The following AGBL4 variants were observed in gnomAD, a reference collection of about 807,000 sequenced individuals.
AGBL4 encodes AGBL carboxypeptidase 4.
A neutral mutation model predicts 66.4 loss-of-function variants in AGBL4; 58 were observed. The ratio of observed to expected loss-of-function variants is 0.87; its 90% confidence interval spans 0.71 to 1.09. AGBL4 has a LOEUF of 1.09. AGBL4 is among the 50% of genes least tolerant of loss of function. The pLI is 0.00. For missense variants in AGBL4, 579 were observed against 631.0 expected (o/e 0.92, Z 0.88); for synonymous variants, 234 against 222.9 (o/e 1.05, Z -0.44).
intron 12 of AGBL4, among the ~76,000 whole-genome samples, chr1:48,539,250 C>G (rs1398993397): frequency 6.6e-6 from 1 of 152,206 alleles, no homozygotes; most frequent in Non-Finnish European, 1.5e-5. Flanking sequence ...GTGAGGACTG[C>G]TGTCCTCACT....
intron 2 of AGBL4, among the ~76,000 whole-genome samples, chr1:49,800,044 T>C (rs1400846243): frequency 6.6e-6 from 1 of 152,180 alleles, no homozygotes; most frequent in Non-Finnish European, 1.5e-5. Flanking sequence ...AGTATCTGCC[T>C]CTAAACAGAA....
At chr1:49,471,299 C>A (rs879574826) in intron 3 of AGBL4, among the ~76,000 whole-genome samples, 2 of 151,874 alleles carry the variant, frequency 1.3e-5, no homozygotes, top group African/African-American at 2.4e-5. Flanking sequence ...AGATTTTTGT[C>A]CCCATGAGTA....
intron 4 of AGBL4, among the ~76,000 whole-genome samples, chr1:49,077,504 G>C (rs1379944099): frequency 6.6e-6 from 1 of 152,068 alleles, no homozygotes; most frequent in Non-Finnish European, 1.5e-5. Flanking sequence ...AACTAAAACT[G>C]TGTAAAGTAC....
intron 5 of AGBL4, among the ~76,000 whole-genome samples, chr1:48,929,447 A>G (rs184530698): frequency 1.6e-4 from 25 of 152,192 alleles, no homozygotes; most frequent in African/African-American, 6.0e-4. Flanking sequence ...TTTAAAATCA[A>G]CTTATTTTTA....
rs575753685 is a variant in AGBL4 at position 49,402,131 on chromosome 1, T to C, written c.283-156267A>G. 5.0e-4 allele frequency among the ~76,000 whole-genome samples: 76 copies of C among 152,304 alleles called. 1 individual carries two copies. Among genetic ancestry groups the C allele is most frequent in the African/African-American group, 1.6e-3 (68 of 41,592 alleles). On this transcript the variant is annotated intron_variant, in intron 3 of 13. Transcript: ENST00000371839. ...TTTTCTTTTCAAAAAACCAACTTTT[T>C]GTTTTATTGACTTTTTGTGTTGTTT...
intron 2 of AGBL4, among the ~76,000 whole-genome samples, chr1:49,762,711 C>T (rs1311982691): frequency 6.6e-6 from 1 of 152,150 alleles, no homozygotes; most frequent in East Asian, 1.9e-4. Context: ...TGCACCCGGC[C>T]GTGTTGCTCA....
intron 3 of AGBL4, among the ~76,000 whole-genome samples, chr1:49,626,468 T>TA (rs1645465134): frequency 6.6e-6 from 1 of 152,186 alleles, no homozygotes; most frequent in Admixed American, 6.5e-5. Flanking sequence ...CTAGAATAGA[T>TA]ATCTAAAGAA....
At chr1:49,759,947 G>A (rs1652179352) in intron 2 of AGBL4, among the ~76,000 whole-genome samples, 1 of 152,160 alleles carries the variant, frequency 6.6e-6, no homozygotes, top group Non-Finnish European at 1.5e-5. Flanking sequence ...ATTGCCAAAG[G>A]CTGGGGTAAA....
chr1:50,023,856 G>A lies in AGBL4; in HGVS notation c.-60C>T. ...GACCGCGGGGCAGTAGGGAGCGGGT[G>A]GTGGGATCAGTGGGCTGACAGGAGC... is the stretch of plus-strand genomic sequence containing the variant. On this transcript the variant is annotated 5_prime_UTR_variant, in exon 1 of 14. Transcript: ENST00000371839. 6.5e-7 allele frequency: 1 copy of A among 1,527,786 alleles called. No homozygotes were observed. The highest frequency in any genetic ancestry group is 1.7e-4 in the Middle Eastern group (1 of 5,886). The allele number at this position is 1,527,786 out of a possible 1,614,324, so 94.6% of individuals were successfully genotyped here.
chr1:49,631,074 G>A (rs188410061), intron 3 of AGBL4, among the ~76,000 whole-genome samples: 2 of 152,212 alleles, frequency 1.3e-5, no homozygotes, highest in Admixed American at 1.3e-4. Flanking sequence ...CAAGAGATGG[G>A]TGGACTAACT....
intron 2 of AGBL4, among the ~76,000 whole-genome samples, chr1:49,811,014 T>G (rs778735905): frequency 3.3e-5 from 5 of 152,136 alleles, no homozygotes; most frequent in Non-Finnish European, 5.9e-5. Flanking sequence ...ACTTTTCTAC[T>G]TAAGGTAGTG....
chr1:49,605,323 CT>C (rs1212909779), intron 3 of AGBL4, among the ~76,000 whole-genome samples: 2 of 152,076 alleles, frequency 1.3e-5, no homozygotes, highest in Non-Finnish European at 2.9e-5. Context: ...TTCTAAAAAT[CT>C]TTTTTGTTGA....
intron 3 of AGBL4, among the ~76,000 whole-genome samples, chr1:49,293,750 G>T (rs1246836129): frequency 6.6e-6 from 1 of 152,136 alleles, no homozygotes; most frequent in African/African-American, 2.4e-5. Context: ...AATGTATGTA[G>T]AAATAGTTGT....
At chr1:49,767,581 C>T (rs143702707) in intron 2 of AGBL4, among the ~76,000 whole-genome samples, 64 of 150,788 alleles carry the variant, frequency 4.2e-4, no homozygotes, top group Non-Finnish European at 8.0e-4. Context: ...ACAACATAAG[C>T]GGAAAAAAAA....
At chr1:48,782,174 G>C (rs1450376213) in intron 6 of AGBL4, among the ~76,000 whole-genome samples, 4 of 152,206 alleles carry the variant, frequency 2.6e-5, no homozygotes, top group South Asian at 4.1e-4. Flanking sequence ...CTGCGAAGAC[G>C]CTGACTGTCC....
chr1:48,754,664 GCTTC>G (rs1164020895), intron 6 of AGBL4, among the ~76,000 whole-genome samples: 1 of 152,098 alleles, frequency 6.6e-6, no homozygotes, highest in African/African-American at 2.4e-5. Flanking sequence ...AATTACATAT[GCTTC>G]CTTATTTAAT....
chr1:49,564,835 G>C (rs1644151415), intron 3 of AGBL4, among the ~76,000 whole-genome samples: 2 of 152,186 alleles, frequency 1.3e-5, no homozygotes, highest in African/African-American at 2.4e-5. Flanking sequence ...GCTTGGTGCA[G>C]AGCTGAGTTC....
intron 6 of AGBL4, among the ~76,000 whole-genome samples, chr1:48,765,860 G>A (rs1243803749): frequency 6.6e-6 from 1 of 152,190 alleles, no homozygotes; most frequent in African/African-American, 2.4e-5. Flanking sequence ...TTCAGAATGG[G>A]TAAATCCATA....
At chr1:48,784,750 T>A (rs1313307034) in intron 6 of AGBL4, among the ~76,000 whole-genome samples, 1 of 152,206 alleles carries the variant, frequency 6.6e-6, no homozygotes, top group Non-Finnish European at 1.5e-5. Context: ...TATGAGCTCA[T>A]GTGGGTCACA....
Sources: allele counts gnomAD v4.1 joint callset (sites outside exome capture counted in the v4.1 genomes callset), GRCh38; gene constraint gnomAD v4.1.1; transcripts MANE v1.5; gene names NCBI Gene and HGNC (gene_info 2026-07-23, HGNC 2026-07-21).